The following FHIT variants were observed in gnomAD, a reference collection of about 807,000 sequenced individuals.
FHIT encodes the protein bis(5'-adenosyl)-triphosphatase.
A neutral mutation model predicts 17.9 loss-of-function variants in FHIT; 19 were observed. The observed-to-expected ratio is 1.06, with a 90% CI of 0.74 to 1.56. The LOEUF is 1.56. Ranked by LOEUF, FHIT falls within the 40% of genes most tolerant of loss-of-function variation. FHIT has a pLI of 0.00. For synonymous variants in FHIT, 81 were observed against 69.7 expected, an observed-to-expected ratio of 1.16 and a Z score of -0.81; for missense variants, 248 against 189.2, an observed-to-expected ratio of 1.31 and a Z score of -1.82.
At chr3:61,038,536 T>G (rs2033361950) in intron 3 of FHIT, among the ~76,000 whole-genome samples, 1 of 152,230 alleles carries the variant, frequency 6.6e-6, no homozygotes, top group Non-Finnish European at 1.5e-5. Flanking sequence ...TCAAGTCAGT[T>G]GGGGAAGTTT....
At chr3:60,410,635 A>C (rs1702028243) in intron 5 of FHIT, among the ~76,000 whole-genome samples, 1 of 152,220 alleles carries the variant, frequency 6.6e-6, no homozygotes, top group Non-Finnish European at 1.5e-5. Context: ...AATTGTATTT[A>C]AAATGCAGAG....
chr3:60,606,521 G>C (rs183717135), intron 4 of FHIT, among the ~76,000 whole-genome samples: 1 of 152,106 alleles, frequency 6.6e-6, no homozygotes, highest in Admixed American at 6.5e-5. Flanking sequence ...GATTACAGGC[G>C]TGAGTCACCG....
intron 8 of FHIT, among the ~76,000 whole-genome samples, chr3:59,758,098 C>A (rs529435616): frequency 3.4e-4 from 52 of 152,222 alleles, no homozygotes; most frequent in African/African-American, 1.2e-3. Context: ...CAGGGGGAGA[C>A]AAAATAATTC....
intron 4 of FHIT, among the ~76,000 whole-genome samples, chr3:60,728,595 TA>T (rs1240273404): frequency 1.4e-4 from 21 of 152,044 alleles, no homozygotes; most frequent in African/African-American, 4.3e-4. Context: ...GTCGTTTTTT[TA>T]AAAAAAATTG....
chr3:61,073,195 G>C (rs1208267686), intron 2 of FHIT, among the ~76,000 whole-genome samples: 1 of 152,216 alleles, frequency 6.6e-6, no homozygotes. Flanking sequence ...TCCCTAGATA[G>C]ATCAGGATGG....
chr3:60,751,668 T>A (rs2042469284), intron 4 of FHIT, among the ~76,000 whole-genome samples: 1 of 152,166 alleles, frequency 6.6e-6, no homozygotes, highest in Non-Finnish European at 1.5e-5. Flanking sequence ...CATACACAGA[T>A]GGGATAAGTA....
At chr3:59,925,385 T>G (rs1705606857) in intron 7 of FHIT, among the ~76,000 whole-genome samples, 1 of 152,148 alleles carries the variant, frequency 6.6e-6, no homozygotes, top group Non-Finnish European at 1.5e-5. Context: ...AGATTATAGG[T>G]GTGAGCTACT....
chr3:60,492,696 G>A (rs1202020704), intron 5 of FHIT, among the ~76,000 whole-genome samples: 1 of 151,850 alleles, frequency 6.6e-6, no homozygotes, highest in Non-Finnish European at 1.5e-5. Flanking sequence ...TAGTAGAGAC[G>A]GGGTTTCTCC....
intron 5 of FHIT, among the ~76,000 whole-genome samples, chr3:60,512,307 C>T (rs1335808280): frequency 1.3e-5 from 2 of 152,156 alleles, no homozygotes; most frequent in Non-Finnish European, 2.9e-5. Flanking sequence ...CCCTTTATTG[C>T]TAAAAGACAG....
intron 5 of FHIT, among the ~76,000 whole-genome samples, chr3:60,393,763 G>C (rs1310083138): frequency 6.6e-6 from 1 of 152,040 alleles, no homozygotes; most frequent in African/African-American, 2.4e-5. Flanking sequence ...TGAGGCCTCT[G>C]GCAACCATGA....
At chr3:59,818,715 G>A (rs562895828) in intron 8 of FHIT, among the ~76,000 whole-genome samples, 4 of 152,310 alleles carry the variant, frequency 2.6e-5, no homozygotes, top group African/African-American at 7.2e-5. Context: ...AGACCGGGCC[G>A]ACTGCCAGCT....
intron 3 of FHIT, among the ~76,000 whole-genome samples, chr3:60,919,739 G>C (rs781976724): frequency 1.2e-4 from 18 of 152,072 alleles, no homozygotes; most frequent in Admixed American, 2.6e-4. Context: ...TTTTTATAGG[G>C]AATAAGAGTG....
intron 5 of FHIT, among the ~76,000 whole-genome samples, chr3:60,236,846 A>T (rs1704824454): frequency 6.6e-6 from 1 of 152,110 alleles, no homozygotes; most frequent in African/African-American, 2.4e-5. Context: ...TCAGTTTCAG[A>T]TCTTTTTCTA....
intron 4 of FHIT, among the ~76,000 whole-genome samples, chr3:60,624,742 G>A (rs782681392): frequency 1.1e-4 from 17 of 152,084 alleles, no homozygotes; most frequent in Non-Finnish European, 1.6e-4. Flanking sequence ...TTTTCTGACT[G>A]GCTTCTTTCA....
chr3:60,180,548 T>C (rs988181008), intron 5 of FHIT, among the ~76,000 whole-genome samples: 1 of 152,176 alleles, frequency 6.6e-6, no homozygotes, highest in Non-Finnish European at 1.5e-5. Flanking sequence ...TATCCTGAAG[T>C]ACTGTTTCTA....
chr3:59,752,151 A>T, intron 9 of FHIT, 70 bp downstream of exon 9: 1 of 1,110,474 alleles, frequency 9.0e-7, no homozygotes. Flanking sequence ...GTGCATCCCC[A>T]TTCTGAGAGT....
chr3:59,883,622 G>T (rs1197704995), intron 8 of FHIT, among the ~76,000 whole-genome samples: 1 of 152,186 alleles, frequency 6.6e-6, no homozygotes, highest in African/African-American at 2.4e-5. Context: ...TTTGGGTGGG[G>T]ACACAGCCAA....
At chr3:59,959,837 A>G (rs1707581323) in intron 7 of FHIT, among the ~76,000 whole-genome samples, 1 of 152,234 alleles carries the variant, frequency 6.6e-6, no homozygotes, top group East Asian at 1.9e-4. Flanking sequence ...GTCAGATTTA[A>G]GAAAATGAGA....
chr3:60,944,332 G>GCC lies in FHIT; in HGVS notation c.-111+97714_-111+97715insGG, dbSNP rs775272190. On this transcript the variant is annotated intron_variant, in intron 3 of 9. Coordinates refer to ENST00000492590, the MANE Select transcript of FHIT (RefSeq NM_002012.4). Reference sequence around the variant, plus strand: ...CTTTCCAAAAGCAGTGCCTGAGTTTGTCTTTTTTTTTTCCTCCATCAACTC... The same window carrying GCC: ...CTTTCCAAAAGCAGTGCCTGAGTTTGCCTCTTTTTTTTTTCCTCCATCAACTC... Among the ~76,000 whole-genome samples the GCC allele has an allele frequency of 4.9e-3, 675 of 137,458 alleles. 4 individuals carry two copies. The highest frequency in any genetic ancestry group is 0.016 in the African/African-American group (644 of 40,656). The allele number at this position is 137,458 out of a possible 152,430, so 90.2% of individuals were successfully genotyped here. A position where few individuals can be genotyped will look rare whatever the true frequency, so the allele number is the denominator to read the frequency against.
Sources: allele counts gnomAD v4.1 joint callset (sites outside exome capture counted in the v4.1 genomes callset), GRCh38; gene constraint gnomAD v4.1.1; transcripts MANE v1.5; gene names NCBI Gene and HGNC (gene_info 2026-07-23, HGNC 2026-07-21).